Variants in MAP3K19 observed in about 807,000 individuals in gnomAD.
The protein encoded by MAP3K19 is mitogen-activated protein kinase kinase kinase 19.
Under a neutral mutation model 114.4 loss-of-function variants are expected in MAP3K19, and 91 were observed. The ratio of observed to expected loss-of-function variants is 0.80; its 90% confidence interval spans 0.67 to 0.95. MAP3K19 has a LOEUF of 0.95. Among genes scored for constraint, MAP3K19 ranks in the 40% least tolerant of loss-of-function variants. The pLI, the probability that MAP3K19 is intolerant of heterozygous loss-of-function variation, is 0.00. For missense variants in MAP3K19, 1,471 were observed against 1,573.2 expected (o/e 0.94, Z 1.10); for synonymous variants, 518 against 530.5 (o/e 0.98, Z 0.32).
At chr2:135,011,531 T>C (rs199835641) in intron 5 of MAP3K19, among the ~76,000 whole-genome samples, 19 of 128,532 alleles carry the variant, frequency 1.5e-4, no homozygotes, top group African/African-American at 6.8e-5. Flanking sequence ...AGCGAGACTC[T>C]GTCTCAAAAA....
chr2:135,046,474 C>G (rs1195547594), intron 1 of MAP3K19, among the ~76,000 whole-genome samples: 1 of 152,144 alleles, frequency 6.6e-6, no homozygotes, highest in African/African-American at 2.4e-5. Flanking sequence ...CAGGGTTTCA[C>G]CATGTTGGGC....
intron 5 of MAP3K19, among the ~76,000 whole-genome samples, chr2:135,014,155 T>C (rs1012978318): frequency 2.0e-5 from 3 of 152,008 alleles, no homozygotes; most frequent in Admixed American, 1.3e-4. Context: ...GAGTTCGAGA[T>C]CAGCCTGGGT....
At chr2:135,018,572 CAA>C (rs1431033828) in intron 5 of MAP3K19, among the ~76,000 whole-genome samples, 2 of 152,198 alleles carry the variant, frequency 1.3e-5, no homozygotes, top group African/African-American at 4.8e-5. Flanking sequence ...CTTGCCCCCA[CAA>C]AGTGATCCTA....
At chr2:134,974,715 G>C (rs981966910) in intron 12 of MAP3K19, among the ~76,000 whole-genome samples, 3 of 151,964 alleles carry the variant, frequency 2.0e-5, no homozygotes, top group Non-Finnish European at 4.4e-5. Flanking sequence ...TGTCTGAATG[G>C]GTTATTTCAA....
At chr2:134,989,133 C>T (rs1447205798) in intron 9 of MAP3K19, among the ~76,000 whole-genome samples, 1 of 152,056 alleles carries the variant, frequency 6.6e-6, no homozygotes, top group Non-Finnish European at 1.5e-5. Context: ...CTAGTTTTTC[C>T]TTTCTCCTTT....
chr2:135,033,815 C>T (rs1192849292), intron 2 of MAP3K19, among the ~76,000 whole-genome samples: 1 of 160 alleles, frequency 6.3e-3, no homozygotes, highest in African/African-American at 0.038. Context: ...GGTGGCTGGC[C>T]GGGCGGGGGG....
chr2:135,013,780 C>T (rs10928528), intron 5 of MAP3K19, among the ~76,000 whole-genome samples: 8,196 of 152,100 alleles, frequency 0.054, 417 homozygotes, highest in African/African-American at 0.14. Flanking sequence ...ATCCCCCAAT[C>T]ATCTGAGCTC....
chr2:134,987,180 C>T lies in MAP3K19; in HGVS notation c.1692G>A (p.Met564Ile), dbSNP rs541111573. 2.5e-6 allele frequency: 4 copies of T among 1,614,192 alleles called. No homozygotes were observed. The East Asian group carries it at 8.9e-5, about 36-fold the overall frequency. Reference sequence around the variant, plus strand: ...TTTGTGTTTTTATGCTGGTTTTATGCATGGTAGGCTTAATGGGACCTTCAG... The same window carrying T: ...TTTGTGTTTTTATGCTGGTTTTATGTATGGTAGGCTTAATGGGACCTTCAG... ...ISTEGPIKPT[M>I]HKTSIKTQIF... is the part of the protein sequence containing the mutation. Residue 564 changes from methionine (M) to isoleucine (I), a missense_variant, in exon 10 of 13, where the codon ATG (methionine) becomes ATA (isoleucine). Transcript: ENST00000392915.
chr2:135,041,393 G>C (rs1688643807), intron 1 of MAP3K19, among the ~76,000 whole-genome samples: 1 of 151,412 alleles, frequency 6.6e-6, no homozygotes, highest in African/African-American at 2.4e-5. Flanking sequence ...CAGGCTAGAG[G>C]GCTGTGTCAC....
At chr2:135,032,876 T>C (rs1411309702) in intron 2 of MAP3K19, among the ~76,000 whole-genome samples, 1 of 148,260 alleles carries the variant, frequency 6.7e-6, no homozygotes, top group Admixed American at 6.8e-5. Context: ...CCGCCCTTAA[T>C]CCATTTAACC....
chr2:134,984,133 A>G (rs1439976964), intron 10 of MAP3K19, among the ~76,000 whole-genome samples: 1 of 152,182 alleles, frequency 6.6e-6, no homozygotes, highest in African/African-American at 2.4e-5. Flanking sequence ...TTTGAGAATT[A>G]TCTTTCACAA....
At chr2:134,982,718 T>C (rs900833925) in intron 11 of MAP3K19, among the ~76,000 whole-genome samples, 1 of 152,116 alleles carries the variant, frequency 6.6e-6, no homozygotes, top group African/African-American at 2.4e-5. Flanking sequence ...ATATGTAAAA[T>C]AGAGCTGGTT....
chr2:134,998,617 G>T (rs1240166123), intron 8 of MAP3K19, 121 bp downstream of exon 8: 4 of 1,028,436 alleles, frequency 3.9e-6, no homozygotes, highest in African/African-American at 1.6e-5. Flanking sequence ...TTACACAAGG[G>T]CTGGGGTTAT....
intron 12 of MAP3K19, among the ~76,000 whole-genome samples, chr2:134,978,906 T>A (rs1441869897): frequency 6.6e-6 from 1 of 152,142 alleles, no homozygotes; most frequent in African/African-American, 2.4e-5. Flanking sequence ...AGCCCCCTGC[T>A]CCTCACTGCC....
intron 12 of MAP3K19, among the ~76,000 whole-genome samples, chr2:134,978,786 G>A (rs182041773): frequency 3.3e-5 from 5 of 152,280 alleles, no homozygotes; most frequent in African/African-American, 1.2e-4. Flanking sequence ...TTTCTGCAGA[G>A]CTTTCTAGTC....
intron 2 of MAP3K19, among the ~76,000 whole-genome samples, chr2:135,031,327 T>C (rs1008421577): frequency 6.6e-6 from 1 of 152,126 alleles, no homozygotes; most frequent in African/African-American, 2.4e-5. Flanking sequence ...GGAATCAGAC[T>C]CAGCCAGGCA....
intron 5 of MAP3K19, among the ~76,000 whole-genome samples, chr2:135,008,764 C>A (rs1687011947): frequency 6.6e-6 from 1 of 151,726 alleles, no homozygotes; most frequent in Non-Finnish European, 1.5e-5. Context: ...CCCTTCTTTT[C>A]ACAGGTGTTT....
Position 134,986,075 on chromosome 2 carries a change from C to T in MAP3K19, c.2797G>A (p.Ala933Thr). 6.2e-7 allele frequency: 1 copy of T among 1,613,976 alleles called. No homozygotes were observed. The highest frequency in any genetic ancestry group is 1.6e-4 in the Middle Eastern group (1 of 6,062). ...WVHYLDHDSL[A>T]NKSITYQMFG... ...ATTTGATATGTGATTGACTTATTTGCTAAACTATCATGATCCAAATAATGT... is the reference window on the plus strand; with the variant it reads ...ATTTGATATGTGATTGACTTATTTGTTAAACTATCATGATCCAAATAATGT... The change falls in exon 10 of 13, where the codon GCA becomes ACA. Residue 933 changes from alanine to threonine, a missense_variant. Coordinates refer to ENST00000392915, the MANE Select transcript of MAP3K19 (RefSeq NM_025052.5).
intron 12 of MAP3K19, among the ~76,000 whole-genome samples, chr2:134,970,909 A>G (rs1291365494): frequency 6.6e-6 from 1 of 152,022 alleles, no homozygotes; most frequent in Non-Finnish European, 1.5e-5. Context: ...AATGCCTTTT[A>G]TTCTTTCTCT....
Sources: allele counts gnomAD v4.1 joint callset (sites outside exome capture counted in the v4.1 genomes callset), GRCh38; gene constraint gnomAD v4.1.1; transcripts MANE v1.5; gene names NCBI Gene and HGNC (gene_info 2026-07-23, HGNC 2026-07-21).